PMFBP1: variants seen among roughly 807,000 people sequenced by gnomAD.
PMFBP1 encodes polyamine-modulated factor 1-binding protein 1.
PMFBP1 carries 131 observed loss-of-function variants against 137.8 expected under a neutral mutation model. The ratio of observed to expected loss-of-function variants is 0.95; its 90% confidence interval spans 0.82 to 1.10. The LOEUF (loss-of-function observed/expected upper bound fraction) is 1.10, where lower values mean the gene tolerates loss of function less well. Ranked by LOEUF, PMFBP1 falls within the 50% of genes least tolerant of loss-of-function variation. The pLI, the probability that PMFBP1 is intolerant of heterozygous loss-of-function variation, is 0.00. For synonymous variants in PMFBP1, 490 were observed against 450.4 expected, an observed-to-expected ratio of 1.09 and a Z score of -1.11; for missense variants, 1,199 against 1,175.4, an observed-to-expected ratio of 1.02 and a Z score of -0.29.
chr16:72,154,467 A>G lies in PMFBP1; in HGVS notation c.166-8T>C, dbSNP rs371694149. The G allele has an allele frequency of 2.5e-6, 4 of 1,612,746 alleles. No homozygotes were observed. In the African/African-American group the frequency reaches 5.3e-5, roughly 22 times the overall value. ...CTGTGCTTGCTTCTTGTCCTACCATAGAGACAGGATATACAAAAAAGGCTT... is the reference window on the plus strand; with the variant it reads ...CTGTGCTTGCTTCTTGTCCTACCATGGAGACAGGATATACAAAAAAGGCTT... On this transcript the variant is annotated splice_polypyrimidine_tract_variant and splice_region_variant and intron_variant, in intron 3 of 20. Transcript: ENST00000237353.
rs149578677 is a variant in PMFBP1 at position 72,130,227 on chromosome 16, G to A, written c.1768C>T (p.Arg590Cys). Reference sequence around the variant, plus strand: ...GCCCGTCATACCTGGTGCTTGATACGATCAAGCATGTCATTCATTTTCATA... The same window carrying A: ...GCCCGTCATACCTGGTGCTTGATACAATCAAGCATGTCATTCATTTTCATA... ...QDMKMNDMLDRIKHQHREQGS... is the reference protein window; with the variant it reads ...QDMKMNDMLDCIKHQHREQGS... The change falls in exon 12 of 21, where the codon CGT becomes TGT. Residue 590 changes from arginine (R) to cysteine (C), a missense_variant. By Grantham distance (180) the Arg-to-Cys change is radical. Coordinates refer to ENST00000237353, the MANE Select transcript of PMFBP1 (RefSeq NM_031293.3). 1.5e-5 allele frequency: 25 copies of A among 1,613,348 alleles called. No individual in the cohort carries two copies. The highest frequency in any genetic ancestry group is 1.7e-4 in the Middle Eastern group (1 of 6,060).
chr16:72,144,567 A>G (rs2144372981), intron 5 of PMFBP1, among the ~76,000 whole-genome samples: 1 of 152,336 alleles, frequency 6.6e-6, no homozygotes, highest in African/African-American at 2.4e-5. Context: ...ATTTATTTAA[A>G]TAATAAAATT....
At chr16:72,229,712 G>T in the PMFBP1 span, among the ~76,000 whole-genome samples, 1 of 152,076 alleles carries the variant, frequency 6.6e-6, no homozygotes, top group Non-Finnish European at 1.5e-5. Context: ...CTCTTGGTAA[G>T]ATTTATTGCA....
At chr16:72,122,051 C>T (rs1377092960) in intron 19 of PMFBP1, among the ~76,000 whole-genome samples, 2 of 152,150 alleles carry the variant, frequency 1.3e-5, no homozygotes, top group African/African-American at 4.8e-5. Flanking sequence ...CTCCTCCCAC[C>T]CTCCACCCTC....
chr16:72,164,636 C>A (rs2043116577), intron 3 of PMFBP1, 128 bp downstream of exon 3: 3 of 1,306,016 alleles, frequency 2.3e-6, no homozygotes, highest in Admixed American at 4.1e-5. Context: ...TCTCTTAATT[C>A]TCTCTCATTG....
At chr16:72,195,952 A>ATC in the PMFBP1 span, among the ~76,000 whole-genome samples, 2 of 149,078 alleles carry the variant, frequency 1.3e-5, no homozygotes, top group Non-Finnish European at 3.0e-5. Context: ...AGTGTGTTAA[A>ATC]TCTCTCTCTC....
rs751956860 is a variant in PMFBP1, at chr16:72,163,934, G to C, written c.165+830C>G. 1.4e-4 allele frequency among the ~76,000 whole-genome samples: 21 copies of C among 151,982 alleles called. No homozygotes were observed. The East Asian group carries it at 2.3e-3, about 17-fold the overall frequency. ...GGGGACTCTGTGGAAAGGGTGGGGG[G>C]GGTGAGGGATAAAAGACTACAAATT... On this transcript the variant is annotated intron_variant, in intron 3 of 20. Transcript: ENST00000237353.
intron 3 of PMFBP1, among the ~76,000 whole-genome samples, chr16:72,163,952 T>C (rs1483227788): frequency 6.6e-6 from 1 of 151,476 alleles, no homozygotes; most frequent in Non-Finnish European, 1.5e-5. Flanking sequence ...GATAAAAGAC[T>C]ACAAATTGGG....
At chr16:72,175,865 C>T (rs539483374), upstream of PMFBP1, among the ~76,000 whole-genome samples, 1 of 152,272 alleles carries the variant, frequency 6.6e-6, no homozygotes, top group South Asian at 2.1e-4. Context: ...AATGTGTGAG[C>T]CCCATGAACA....
At chr16:72,230,224 G>C in the PMFBP1 span, among the ~76,000 whole-genome samples, 1 of 152,050 alleles carries the variant, frequency 6.6e-6, no homozygotes, top group Non-Finnish European at 1.5e-5. Flanking sequence ...TGACCTCTCT[G>C]ATTGTCTTCC....
At chr16:72,136,895 A>G in intron 7 of PMFBP1, 76 bp from the exon 8 acceptor site, 1 of 1,583,566 alleles carries the variant, frequency 6.3e-7, no homozygotes, top group Non-Finnish European at 8.6e-7. Context: ...CCCAGCATCC[A>G]CAGTCAACAG....
At chr16:72,229,512 A>T in the PMFBP1 span, among the ~76,000 whole-genome samples, 2 of 151,348 alleles carry the variant, frequency 1.3e-5, no homozygotes, top group Admixed American at 6.6e-5. Context: ...CCTCACCAAT[A>T]TTTTTTTTTC....
At chr16:72,136,185 A>G (rs1426687472) in intron 9 of PMFBP1, among the ~76,000 whole-genome samples, 1 of 152,182 alleles carries the variant, frequency 6.6e-6, no homozygotes, top group Non-Finnish European at 1.5e-5. Context: ...GTGTGTCACA[A>G]ATGCTCTTGC....
chr16:72,224,028 C>T, the PMFBP1 span, among the ~76,000 whole-genome samples: 2 of 152,176 alleles, frequency 1.3e-5, no homozygotes, highest in South Asian at 2.1e-4. Context: ...TAAACAGACA[C>T]GACCCTGGTC....
At chr16:72,202,458 G>A in the PMFBP1 span, among the ~76,000 whole-genome samples, 2 of 152,118 alleles carry the variant, frequency 1.3e-5, no homozygotes, top group African/African-American at 2.4e-5. Context: ...GATTACAGGC[G>A]TGAGCCACTG....
At chr16:72,173,409 T>C (rs1445638757), upstream of PMFBP1, among the ~76,000 whole-genome samples, 1 of 152,258 alleles carries the variant, frequency 6.6e-6, no homozygotes, top group Non-Finnish European at 1.5e-5. Context: ...AATGATTTTC[T>C]AGATTGTGAT....
At chr16:72,182,171 C>T in the PMFBP1 span, among the ~76,000 whole-genome samples, 1 of 152,162 alleles carries the variant, frequency 6.6e-6, no homozygotes, top group Admixed American at 6.5e-5. Flanking sequence ...ACCGGCATAT[C>T]TCACAGGTAT....
chr16:72,208,168 T>C, the PMFBP1 span, among the ~76,000 whole-genome samples: 10 of 152,276 alleles, frequency 6.6e-5, no homozygotes, highest in Non-Finnish European at 1.2e-4. Flanking sequence ...ACACCCAAGA[T>C]AATGTGTGGC....
At chr16:72,133,686 C>T (rs761411076) in intron 9 of PMFBP1, among the ~76,000 whole-genome samples, 8 of 152,048 alleles carry the variant, frequency 5.3e-5, no homozygotes, top group African/African-American at 1.4e-4. Flanking sequence ...CCAGGGTTGT[C>T]GGGCGACCAT....
Sources: gnomAD v4.1 joint callset for allele counts (sites outside exome capture counted in the v4.1 genomes callset) on GRCh38, gnomAD v4.1.1 for gene constraint, MANE v1.5 for transcripts, NCBI Gene and HGNC (gene_info 2026-07-23, HGNC 2026-07-21) for gene names.